The following NRG3 variants were observed in gnomAD, a reference collection of about 807,000 sequenced individuals.
NRG3 encodes neuregulin 3, also known as pro-neuregulin-3, membrane-bound isoform.
In NRG3, 31 loss-of-function variants were observed where a neutral mutation model predicts 66.9. The ratio of observed to expected loss-of-function variants is 0.46; its 90% CI spans 0.35 to 0.63. NRG3 has a LOEUF of 0.63. NRG3 is among the 20% of genes least tolerant of loss of function. The pLI is 0.00. For synonymous variants in NRG3, 393 were observed against 359.4 expected (o/e 1.09, Z -1.06); for missense variants, 910 against 878.9 (o/e 1.04, Z -0.45).
intron 2 of NRG3, among the ~76,000 whole-genome samples, chr10:82,709,106 C>T (rs1292243447): frequency 1.3e-5 from 2 of 152,184 alleles, no homozygotes; most frequent in African/African-American, 2.4e-5. Context: ...TTATTTAGAG[C>T]GGCTCTGTCC....
At chr10:82,309,933 T>G (rs2080936893) in intron 1 of NRG3, among the ~76,000 whole-genome samples, 1 of 152,176 alleles carries the variant, frequency 6.6e-6, no homozygotes, top group Non-Finnish European at 1.5e-5. Context: ...CAACCTCTCC[T>G]TGTCTCTTAA....
intron 3 of NRG3, among the ~76,000 whole-genome samples, chr10:82,791,379 G>A (rs2060581136): frequency 1.3e-5 from 2 of 151,430 alleles, no homozygotes; most frequent in African/African-American, 2.4e-5. Context: ...ATCATGTGCA[G>A]CCACTGACAT....
intron 2 of NRG3, among the ~76,000 whole-genome samples, chr10:82,707,414 G>A (rs2056375533): frequency 6.6e-6 from 1 of 151,798 alleles, no homozygotes; most frequent in Non-Finnish European, 1.5e-5. Context: ...AGGCTGGAGT[G>A]TAGTGGCACA....
At chr10:82,317,741 A>C (rs544756190) in intron 1 of NRG3, among the ~76,000 whole-genome samples, 5 of 152,220 alleles carry the variant, frequency 3.3e-5, no homozygotes, top group Non-Finnish European at 7.3e-5. Context: ...ACAAGTCTCA[A>C]TCATTTTAGG....
intron 2 of NRG3, among the ~76,000 whole-genome samples, chr10:82,608,209 G>A (rs965047046): frequency 2.6e-5 from 4 of 152,262 alleles, no homozygotes; most frequent in East Asian, 1.9e-4. Context: ...TTTTAGCTTG[G>A]TGGGTTTTTT....
At chr10:82,874,202 A>G (rs1441455840) in intron 4 of NRG3, among the ~76,000 whole-genome samples, 1 of 152,092 alleles carries the variant, frequency 6.6e-6, no homozygotes, top group Admixed American at 6.6e-5. Flanking sequence ...ACTGGGGATA[A>G]TCTCCTAAGA....
intron 1 of NRG3, among the ~76,000 whole-genome samples, chr10:81,965,018 A>G (rs2059678642): frequency 2.0e-5 from 3 of 152,228 alleles, no homozygotes; most frequent in African/African-American, 4.8e-5. Context: ...CCCATTTAAT[A>G]TTAATTTAAT....
At chr10:82,582,899 G>T (rs1025363549) in intron 2 of NRG3, among the ~76,000 whole-genome samples, 2 of 152,064 alleles carry the variant, frequency 1.3e-5, no homozygotes, top group Non-Finnish European at 2.9e-5. Flanking sequence ...TTCAGGGTGG[G>T]AATTCAAATA....
chr10:81,980,790 G>A (rs760788661), intron 1 of NRG3, among the ~76,000 whole-genome samples: 1 of 152,198 alleles, frequency 6.6e-6, no homozygotes, highest in Non-Finnish European at 1.5e-5. Flanking sequence ...TTCTTCTGAG[G>A]ACCTCTGGCT....
intron 1 of NRG3, among the ~76,000 whole-genome samples, chr10:81,914,314 G>A (rs1045333239): frequency 5.3e-5 from 8 of 152,120 alleles, no homozygotes; most frequent in East Asian, 3.9e-4. Context: ...CCATGCCCAC[G>A]TATTCTTTTA....
chr10:81,958,894 G>A (rs1180138217), intron 1 of NRG3, among the ~76,000 whole-genome samples: 1 of 150,122 alleles, frequency 6.7e-6, no homozygotes, highest in Admixed American at 6.6e-5. Flanking sequence ...CTGTCTCAAA[G>A]AAAAAAAAAT....
At chr10:82,252,530 A>G (rs2077530629) in intron 1 of NRG3, among the ~76,000 whole-genome samples, 1 of 152,204 alleles carries the variant, frequency 6.6e-6, no homozygotes, top group Non-Finnish European at 1.5e-5. Flanking sequence ...GCACTATATT[A>G]CAAATGAGGA....
chr10:82,666,393 CA>C (rs1232331827), intron 2 of NRG3, among the ~76,000 whole-genome samples: 2 of 152,156 alleles, frequency 1.3e-5, no homozygotes, highest in East Asian at 1.9e-4. Context: ...ATTAAAATGT[CA>C]ATTATCCCAT....
In NRG3 at chr10:82,987,054, C is replaced by T. The variant is rs1853478003; in HGVS notation, c.*1449C>T. ...TCCTGAAGATTTGTCTGTTTATTTA[C>T]CCTCACTTTCATGGGACATATGAGG... On this transcript the variant is annotated 3_prime_UTR_variant, in exon 9 of 9. Transcript: ENST00000372141. 1 of 152,186 alleles carries T rather than the reference C, an allele frequency of 6.6e-6. No homozygotes were observed. The highest frequency in any genetic ancestry group is 1.5e-5 in the Non-Finnish European group (1 of 68,026). The allele number at this position is 152,186 out of a possible 1,614,324, so 9.4% of individuals were successfully genotyped here. A position where few individuals can be genotyped will look rare whatever the true frequency, so the allele number is the denominator to read the frequency against.
At chr10:82,086,064 T>C (rs2065706062) in intron 1 of NRG3, among the ~76,000 whole-genome samples, 1 of 152,084 alleles carries the variant, frequency 6.6e-6, no homozygotes, top group African/African-American at 2.4e-5. Context: ...TTAGTTTCCA[T>C]TTACAAATGA....
intron 4 of NRG3, among the ~76,000 whole-genome samples, chr10:82,918,480 A>T (rs1308287354): frequency 1.3e-5 from 2 of 152,212 alleles, no homozygotes; most frequent in Non-Finnish European, 2.9e-5. Context: ...TACCTGACAC[A>T]TGAGAGTTGC....
intron 1 of NRG3, among the ~76,000 whole-genome samples, chr10:82,152,559 A>G (rs1326948039): frequency 6.6e-6 from 1 of 152,096 alleles, no homozygotes; most frequent in East Asian, 1.9e-4. Context: ...TGTGATATCA[A>G]GAGACTGGGA....
chr10:82,682,946 A>AC (rs2054216105), intron 2 of NRG3, among the ~76,000 whole-genome samples: 2 of 65,334 alleles, frequency 3.1e-5, no homozygotes, highest in African/African-American at 1.3e-4. Flanking sequence ...CCATGTCTTA[A>AC]TTTTTTTTTT....
chr10:82,482,237 T>C (rs550882536), intron 2 of NRG3, among the ~76,000 whole-genome samples: 3 of 152,310 alleles, frequency 2.0e-5, no homozygotes, highest in Non-Finnish European at 2.9e-5. Context: ...TCACTATTTT[T>C]AGTTATCATG....
Sources: gnomAD v4.1 joint callset for allele counts (sites outside exome capture counted in the v4.1 genomes callset) on GRCh38, gnomAD v4.1.1 for gene constraint, MANE v1.5 for transcripts, NCBI Gene and HGNC (gene_info 2026-07-23, HGNC 2026-07-21) for gene names.